The following SLC24A3 variants were observed in gnomAD, a reference collection of about 807,000 sequenced individuals.
The protein encoded by SLC24A3 is sodium/potassium/calcium exchanger 3.
Under a neutral mutation model 75.8 loss-of-function variants are expected in SLC24A3, and 28 were observed. The observed-to-expected ratio is 0.37, with a 90% CI of 0.27 to 0.51. The LOEUF (loss-of-function observed/expected upper bound fraction) is 0.51, where lower values mean the gene tolerates loss of function less well. Ranked by LOEUF, SLC24A3 falls within the 20% of genes least tolerant of loss-of-function variation. The probability of loss-of-function intolerance (pLI) is 0.94; values close to 1 mark genes in which losing one functional copy is unlikely to be tolerated. For missense variants in SLC24A3, 663 were observed against 847.8 expected, an observed-to-expected ratio of 0.78 and a Z score of 2.71; for synonymous variants, 372 against 334.1, an observed-to-expected ratio of 1.11 and a Z score of -1.24.
intron 6 of SLC24A3, among the ~76,000 whole-genome samples, chr20:19,619,374 T>C (rs1411564916): frequency 5.3e-5 from 8 of 152,146 alleles, no homozygotes; most frequent in African/African-American, 1.9e-4. Flanking sequence ...AGATGTTCTC[T>C]CCCCAACTGT....
chr20:19,424,745 C>CAAAAAAAAA (rs528342351), intron 2 of SLC24A3, among the ~76,000 whole-genome samples: 2 of 49,156 alleles, frequency 4.1e-5, no homozygotes, highest in Admixed American at 2.7e-4. Context: ...AAAACAACAA[C>CAAAAAAAAA]AAAAAAAAAA....
At chr20:19,465,689 G>T (rs77955724) in intron 2 of SLC24A3, among the ~76,000 whole-genome samples, 6,518 of 152,168 alleles carry the variant, frequency 0.043, 447 homozygotes, top group African/African-American at 0.15. Flanking sequence ...GGCTCAGCAG[G>T]TTCCCCTTTG....
chr20:19,370,093 A>T (rs575134538), intron 2 of SLC24A3, among the ~76,000 whole-genome samples: 22 of 151,430 alleles, frequency 1.5e-4, no homozygotes, highest in African/African-American at 4.4e-4. Flanking sequence ...GAAAAGTTAA[A>T]TTAAAGCAAA....
At chr20:19,524,042 C>T (rs936829311) in intron 3 of SLC24A3, among the ~76,000 whole-genome samples, 5 of 152,168 alleles carry the variant, frequency 3.3e-5, no homozygotes, top group African/African-American at 9.7e-5. Flanking sequence ...TGTTCCCTCT[C>T]GCTTCAGCTG....
intron 2 of SLC24A3, among the ~76,000 whole-genome samples, chr20:19,336,044 TC>T (rs1183528200): frequency 6.6e-6 from 1 of 152,196 alleles, no homozygotes; most frequent in Non-Finnish European, 1.5e-5. Flanking sequence ...AAATAATTAG[TC>T]ATTTCTGTCA....
intron 2 of SLC24A3, among the ~76,000 whole-genome samples, chr20:19,415,764 A>T (rs760642786): frequency 1.3e-5 from 2 of 152,216 alleles, no homozygotes; most frequent in Non-Finnish European, 2.9e-5. Flanking sequence ...GAATTATCTC[A>T]TCCTATTATA....
intron 1 of SLC24A3, 21 bp from the exon 2 acceptor site, chr20:19,280,938 T>C: frequency 6.2e-7 from 1 of 1,611,594 alleles, no homozygotes; most frequent in Non-Finnish European, 8.5e-7. Context: ...TGATGTGTGG[T>C]TATTGTCTTT....
intron 2 of SLC24A3, among the ~76,000 whole-genome samples, chr20:19,298,213 G>A (rs369324445): frequency 5.9e-5 from 9 of 152,192 alleles, no homozygotes; most frequent in East Asian, 3.9e-4. Context: ...GGGATACAAG[G>A]CCCCCTGCAT....
At chr20:19,272,575 G>A (rs953941905) in intron 1 of SLC24A3, among the ~76,000 whole-genome samples, 4 of 152,240 alleles carry the variant, frequency 2.6e-5, no homozygotes, top group African/African-American at 9.6e-5. Context: ...CATGCAGACA[G>A]TTTTGTCCAG....
chr20:19,214,309 C>A (rs539114085), intron 1 of SLC24A3, among the ~76,000 whole-genome samples: 2 of 152,288 alleles, frequency 1.3e-5, no homozygotes, highest in East Asian at 3.9e-4. Context: ...GTTCTGACAT[C>A]AGGAAGGGGG....
chr20:19,212,723 G>A lies in SLC24A3; in HGVS notation c.-120G>A. 2.5e-6 allele frequency: 2 copies of A among 799,160 alleles called. No individual in the cohort carries two copies. The highest frequency in any genetic ancestry group is 3.0e-6 in the Non-Finnish European group (2 of 661,808). The allele number at this position is 799,160 out of a possible 1,614,324, so 49.5% of individuals were successfully genotyped here. A position where few individuals can be genotyped will look rare whatever the true frequency, so the allele number is the denominator to read the frequency against. ...GGAGGCGGAGGCGGCGGCCGGGTGG[G>A]AGCGCAGCGAGGACGCGCGGCTGCT... is the stretch of plus-strand genomic sequence containing the variant. On this transcript the variant is annotated 5_prime_UTR_variant, in exon 1 of 17. Transcript: ENST00000328041.
intron 2 of SLC24A3, among the ~76,000 whole-genome samples, chr20:19,472,997 G>T (rs2223646): frequency 0.94 from 143,314 of 152,282 alleles, 67,523 homozygotes; most frequent in East Asian, 1. Flanking sequence ...CTGGGCACTG[G>T]GGTTGCTAGC....
At chr20:19,365,855 C>A (rs1485597843) in intron 2 of SLC24A3, among the ~76,000 whole-genome samples, 1 of 152,206 alleles carries the variant, frequency 6.6e-6, no homozygotes, top group South Asian at 2.1e-4. Context: ...AAAGCCTCCC[C>A]ACTAAAATCC....
intron 2 of SLC24A3, among the ~76,000 whole-genome samples, chr20:19,350,010 A>T (rs1296628864): frequency 7.2e-5 from 11 of 152,196 alleles, no homozygotes; most frequent in Non-Finnish European, 1.5e-4. Context: ...CAGCAGGGTG[A>T]GACGCAAACC....
intron 2 of SLC24A3, among the ~76,000 whole-genome samples, chr20:19,401,648 A>T (rs1986554300): frequency 6.6e-6 from 1 of 152,184 alleles, no homozygotes; most frequent in Admixed American, 6.5e-5. Context: ...GGAGGTCCTC[A>T]CCCTTACCAC....
intron 2 of SLC24A3, among the ~76,000 whole-genome samples, chr20:19,345,598 AC>A (rs1175820615): frequency 6.6e-6 from 1 of 152,188 alleles, no homozygotes; most frequent in African/African-American, 2.4e-5. Context: ...CAAGAAAAAA[AC>A]AAACAATCCC....
At chr20:19,505,103 G>A (rs186016984) in intron 2 of SLC24A3, among the ~76,000 whole-genome samples, 58 of 152,350 alleles carry the variant, frequency 3.8e-4, no homozygotes, top group Admixed American at 3.4e-3. Flanking sequence ...GGGTTCTTTA[G>A]TTCCAAAGAA....
chr20:19,409,444 G>A (rs1986706267), intron 2 of SLC24A3, among the ~76,000 whole-genome samples: 1 of 152,202 alleles, frequency 6.6e-6, no homozygotes, highest in African/African-American at 2.4e-5. Flanking sequence ...CTGAGAAGGA[G>A]GAGAATGTTC....
chr20:19,262,087 T>C (rs73124856), intron 1 of SLC24A3, among the ~76,000 whole-genome samples: 1 of 151,932 alleles, frequency 6.6e-6, no homozygotes, highest in African/African-American at 2.4e-5. Flanking sequence ...CTGCAGCAGT[T>C]GCAAGCATCG....
Sources: gnomAD v4.1 joint callset for allele counts (sites outside exome capture counted in the v4.1 genomes callset) on GRCh38, gnomAD v4.1.1 for gene constraint, MANE v1.5 for transcripts, NCBI Gene and HGNC (gene_info 2026-07-23, HGNC 2026-07-21) for gene names.